Variants in AMY2B observed in about 807,000 individuals in gnomAD.
AMY2B encodes alpha-amylase 2B.
A neutral mutation model predicts 59.3 loss-of-function variants in AMY2B; 63 were observed. The ratio of observed to expected loss-of-function variants is 1.06; its 90% CI spans 0.87 to 1.31. AMY2B has a LOEUF of 1.31. AMY2B is among the 50% of genes most tolerant of loss of function. AMY2B has a pLI of 0.00. For synonymous variants in AMY2B, 180 were observed against 198.1 expected (o/e 0.91, Z 0.77); for missense variants, 635 against 626.7 (o/e 1.01, Z -0.14).
chr1:103,562,246 A>G (rs945830379), intron 1 of AMY2B, among the ~76,000 whole-genome samples: 1 of 152,180 alleles, frequency 6.6e-6, no homozygotes, highest in Admixed American at 6.5e-5. Flanking sequence ...GTGCAGTACA[A>G]AATGTACTAT....
chr1:103,579,199 T>C lies in AMY2B; in HGVS notation c.1347-112T>C, dbSNP rs967143883. 7 of 1,577,980 alleles carry C rather than the reference T, an allele frequency of 4.4e-6. No individual in the cohort carries two copies. In the African/African-American group the frequency reaches 8.2e-5, roughly 18 times the overall value. Reference sequence around the variant, plus strand: ...GGAGGCATATGGGTTTTCTTCTTAATGAGACTTCACTGCTTAGGGTTCTAC... The same window carrying C: ...GGAGGCATATGGGTTTTCTTCTTAACGAGACTTCACTGCTTAGGGTTCTAC... On this transcript the variant is annotated intron_variant, in intron 9 of 9. Transcript: ENST00000684275.
chr1:103,559,455 G>T (rs1418682320), intron 1 of AMY2B, among the ~76,000 whole-genome samples: 1 of 152,136 alleles, frequency 6.6e-6, no homozygotes, highest in Admixed American at 6.5e-5. Flanking sequence ...AGCAATGCAT[G>T]ACTGTAGTTG....
intron 1 of AMY2B, among the ~76,000 whole-genome samples, chr1:103,562,767 A>G (rs1457111230): frequency 6.6e-6 from 1 of 151,754 alleles, no homozygotes; most frequent in Non-Finnish European, 1.5e-5. Context: ...ATAGGGGGAA[A>G]GAACTTGTAA....
chr1:103,575,750 A>C (rs1652328337), intron 7 of AMY2B: 1 of 679,318 alleles, frequency 1.5e-6, no homozygotes, highest in Admixed American at 3.7e-5. Context: ...TTTCAGACAT[A>C]TGATAAACAT....
At chr1:103,573,026 CTG>C (rs1253434596) in intron 2 of AMY2B, 35 bp from the exon 3 acceptor site, 8 of 1,612,364 alleles carry the variant, frequency 5.0e-6, no homozygotes, top group Non-Finnish European at 6.8e-6. Context: ...TTCTGCCTCT[CTG>C]TAAGTCACAC....
chr1:103,559,397 G>T (rs751207799), intron 1 of AMY2B, among the ~76,000 whole-genome samples: 9 of 152,074 alleles, frequency 5.9e-5, no homozygotes, highest in Admixed American at 1.3e-4. Context: ...TTTGCACAGT[G>T]GCTTAATTAC....
intron 1 of AMY2B, among the ~76,000 whole-genome samples, chr1:103,558,684 G>C (rs558483820): frequency 6.6e-6 from 1 of 150,816 alleles, no homozygotes; most frequent in African/African-American, 2.4e-5. Context: ...GACCACTTAA[G>C]CTCAGGAATT....
At chr1:103,573,501 C>T (rs578092457) in intron 3 of AMY2B, among the ~76,000 whole-genome samples, 3 of 152,164 alleles carry the variant, frequency 2.0e-5, no homozygotes, top group East Asian at 3.9e-4. Flanking sequence ...AAAAGCTCGT[C>T]GACTTTATTT....
intron 1 of AMY2B, among the ~76,000 whole-genome samples, chr1:103,561,280 G>A (rs1651725707): frequency 6.6e-6 from 1 of 151,868 alleles, no homozygotes. Flanking sequence ...TTTTTTGTTT[G>A]TTTTGAGACG....
chr1:103,571,999 A>C (rs1652152199), intron 1 of AMY2B, 111 bp from the exon 2 acceptor site: 7 of 1,564,158 alleles, frequency 4.5e-6, no homozygotes, highest in Non-Finnish European at 3.5e-6. Context: ...TTTTCAAGAG[A>C]TAGCTGCATA....
chr1:103,557,445 A>AT (rs1651593421), intron 1 of AMY2B, among the ~76,000 whole-genome samples: 1 of 152,062 alleles, frequency 6.6e-6, no homozygotes, highest in African/African-American at 2.4e-5. Flanking sequence ...TGAGGTCAGG[A>AT]TTTTGAGACC....
At chr1:103,558,907 T>C (rs902613205) in intron 1 of AMY2B, among the ~76,000 whole-genome samples, 4 of 150,444 alleles carry the variant, frequency 2.7e-5, no homozygotes, top group African/African-American at 9.8e-5. Context: ...TGAACATGTA[T>C]TGAGTTTTTT....
chr1:103,559,841 G>A (rs1374041476), intron 1 of AMY2B, among the ~76,000 whole-genome samples: 4 of 151,380 alleles, frequency 2.6e-5, no homozygotes, highest in Non-Finnish European at 5.9e-5. Context: ...TGCTACTAGA[G>A]AGTAAAAACT....
At position 103,575,512 on chromosome 1, in the gene AMY2B, G is replaced by T. The variant is rs150608402; in HGVS notation, c.1073G>T (p.Arg358Leu). ...TTTACACGAGTAATGTCAAGCTACCGTTGGCCAAGACAGTTTCAAAATGGA... is the reference window on the plus strand; with the variant it reads ...TTTACACGAGTAATGTCAAGCTACCTTTGGCCAAGACAGTTTCAAAATGGA... Reference protein sequence around the residue: ...YGFTRVMSSYRWPRQFQNGND... With the variant: ...YGFTRVMSSYLWPRQFQNGND... Residue 358 changes from arginine (R) to leucine (L), a missense_variant, in exon 7 of 10, where the codon CGT (arginine) becomes CTT (leucine). By Grantham distance (102) the Arg-to-Leu change is moderately radical. Transcript: ENST00000684275. 6.2e-7 allele frequency: 1 copy of T among 1,613,560 alleles called. No homozygotes were observed. The highest frequency in any genetic ancestry group is 8.5e-7 in the Non-Finnish European group (1 of 1,179,780).
intron 5 of AMY2B, among the ~76,000 whole-genome samples, chr1:103,574,874 T>C (rs1241870454): frequency 6.6e-6 from 1 of 151,574 alleles, no homozygotes; most frequent in East Asian, 1.9e-4. Flanking sequence ...GGAGTGCCTC[T>C]AAATGATAAT....
At chr1:103,568,253 T>C (rs940028078), upstream of AMY2B, 13 of 152,230 alleles carry the variant, frequency 8.5e-5, no homozygotes, top group African/African-American at 3.1e-4. Context: ...GTTGAATGGA[T>C]GGATGAAGTT....
rs564896917 is a variant in AMY2B, at chr1:103,556,868, A to G, written c.-207+1759A>G. ...CAGCACTTCCTTTTGTGAGTAATGG[A>G]AAGCTCTTTAATGTGTCAACTGTAA... is the stretch of plus-strand genomic sequence containing the variant. On this transcript the variant is annotated intron_variant, in intron 1 of 11. Transcript: ENST00000361355. 3.3e-5 allele frequency among the ~76,000 whole-genome samples: 5 copies of G among 152,242 alleles called. No homozygotes were observed. In the South Asian group the frequency reaches 1.0e-3, roughly 32 times the overall value.
At chr1:103,558,764 A>G (rs1651638860) in intron 1 of AMY2B, among the ~76,000 whole-genome samples, 1 of 138,148 alleles carries the variant, frequency 7.2e-6, no homozygotes, top group Non-Finnish European at 1.6e-5. Context: ...CCCCAACTGA[A>G]AAAAAAAAAA....
chr1:103,576,955 G>C (rs1453434821), intron 7 of AMY2B, among the ~76,000 whole-genome samples: 1 of 152,158 alleles, frequency 6.6e-6, no homozygotes, highest in Non-Finnish European at 1.5e-5. Context: ...GCCCTTGCAG[G>C]CCAGGTGCTG....
Sources: gnomAD v4.1 joint callset for allele counts (sites outside exome capture counted in the v4.1 genomes callset) on GRCh38, gnomAD v4.1.1 for gene constraint, MANE v1.5 for transcripts, NCBI Gene and HGNC (gene_info 2026-07-23, HGNC 2026-07-21) for gene names.